Variants in CHRM3 observed in about 807,000 individuals in gnomAD.
The protein encoded by CHRM3 is muscarinic acetylcholine receptor M3.
A neutral mutation model predicts 41.8 loss-of-function variants in CHRM3; 11 were observed. That is an observed-to-expected ratio of 0.26 (90% CI 0.17 to 0.44). The LOEUF is 0.44. Among genes scored for constraint, CHRM3 ranks in the 20% least tolerant of loss-of-function variants. CHRM3 has a pLI of 1.00. For synonymous variants in CHRM3, 297 were observed against 301.4 expected, an observed-to-expected ratio of 0.99 and a Z score of 0.15; for missense variants, 571 against 745.4, an observed-to-expected ratio of 0.77 and a Z score of 2.72.
chr1:239,648,071 T>G (rs1671896467), intron 4 of CHRM3, among the ~76,000 whole-genome samples: 1 of 152,176 alleles, frequency 6.6e-6, no homozygotes, highest in Admixed American at 6.5e-5. Flanking sequence ...GTATGTTATT[T>G]AATTTTTGCT....
At chr1:239,422,443 C>T (rs561462888) in intron 1 of CHRM3, among the ~76,000 whole-genome samples, 74 of 152,034 alleles carry the variant, frequency 4.9e-4, no homozygotes, top group Non-Finnish European at 8.1e-4. Flanking sequence ...ATATGAATTG[C>T]AGTTTTATTA....
At chr1:239,690,381 A>C (rs1659599787) in intron 5 of CHRM3, among the ~76,000 whole-genome samples, 1 of 151,986 alleles carries the variant, frequency 6.6e-6, no homozygotes, top group South Asian at 2.1e-4. Context: ...CACCACGCCC[A>C]GCTAATTTTT....
At chr1:239,896,121 G>A (rs1171764350) in intron 6 of CHRM3, among the ~76,000 whole-genome samples, 1 of 152,196 alleles carries the variant, frequency 6.6e-6, no homozygotes, top group Non-Finnish European at 1.5e-5. Context: ...CGGGGTCTGT[G>A]CCGTCCTGGG....
In CHRM3 at chr1:239,663,732, G is replaced by A. The variant is rs979669954; in HGVS notation, c.-249-14454G>A. Among the ~76,000 whole-genome samples the A allele has an allele frequency of 3.3e-5, 5 of 152,166 alleles. 1 individual carries two copies. The highest frequency in any genetic ancestry group is 1.2e-4 in the African/African-American group (5 of 41,438). On this transcript the variant is annotated intron_variant, in intron 4 of 6. Transcript: ENST00000676153. ...ACATGCATTTTGCACTTCGTTAATT[G>A]TAGAATGCGCTTACCATTTTCACTA...
chr1:239,782,622 C>T (rs1668590487), intron 5 of CHRM3, among the ~76,000 whole-genome samples: 1 of 151,968 alleles, frequency 6.6e-6, no homozygotes. Flanking sequence ...TTGATTTCTG[C>T]TCCATTTATT....
chr1:239,635,957 A>G (rs1487236934), intron 4 of CHRM3, among the ~76,000 whole-genome samples: 2 of 152,192 alleles, frequency 1.3e-5, no homozygotes, highest in African/African-American at 4.8e-5. Context: ...AGAAAAAGAA[A>G]AAGAAAACAG....
intron 5 of CHRM3, among the ~76,000 whole-genome samples, chr1:239,709,582 A>G (rs190895500): frequency 1.4e-4 from 22 of 152,294 alleles, no homozygotes; most frequent in Admixed American, 7.2e-4. Flanking sequence ...TGAGAAAAAA[A>G]GAAGTGAATG....
intron 3 of CHRM3, among the ~76,000 whole-genome samples, chr1:239,610,190 C>CAAACAA (rs1666857022): frequency 1.3e-5 from 1 of 77,898 alleles, no homozygotes; most frequent in Non-Finnish European, 2.4e-5. Context: ...AAGACTCTGT[C>CAAACAA]AAAAAAAAAA....
intron 3 of CHRM3, among the ~76,000 whole-genome samples, chr1:239,622,159 C>T (rs1042633091): frequency 6.6e-6 from 1 of 152,184 alleles, no homozygotes; most frequent in African/African-American, 2.4e-5. Flanking sequence ...AGAACTACTG[C>T]TCAGAAAAAG....
At chr1:239,742,967 G>A (rs559057586) in intron 5 of CHRM3, among the ~76,000 whole-genome samples, 1 of 152,198 alleles carries the variant, frequency 6.6e-6, no homozygotes, top group East Asian at 1.9e-4. Flanking sequence ...CAGCTACCAG[G>A]TTTATAATTT....
At chr1:239,883,463 A>G (rs142962025) in intron 6 of CHRM3, among the ~76,000 whole-genome samples, 116 of 152,332 alleles carry the variant, frequency 7.6e-4, no homozygotes, top group Non-Finnish European at 1.5e-3. Flanking sequence ...GCTAGCACAG[A>G]GGCTGGCATG....
intron 4 of CHRM3, among the ~76,000 whole-genome samples, chr1:239,662,893 CTCTTCTTCTTCTTCTTCT>C (rs67465048): frequency 1.5e-4 from 7 of 46,352 alleles, no homozygotes; most frequent in Admixed American, 2.6e-4. Context: ...CTTCCTCCTC[CTCTTCTTCTTCTTCTTCT>C]TCTTCTTCTT....
chr1:239,888,861 C>A (rs1231323652), intron 6 of CHRM3, among the ~76,000 whole-genome samples: 3 of 152,138 alleles, frequency 2.0e-5, no homozygotes, highest in East Asian at 3.9e-4. Flanking sequence ...CTCAGTCCAC[C>A]TCTGTTTTTG....
intron 4 of CHRM3, among the ~76,000 whole-genome samples, chr1:239,638,462 G>C (rs2148904405): frequency 6.6e-6 from 1 of 152,210 alleles, no homozygotes; most frequent in South Asian, 2.1e-4. Flanking sequence ...ATTCTAACTG[G>C]TGTGAGATGT....
chr1:239,798,684 G>A (rs78692182), intron 5 of CHRM3, among the ~76,000 whole-genome samples: 3,702 of 152,224 alleles, frequency 0.024, 57 homozygotes, highest in South Asian at 0.068. Context: ...CAAAGGACAC[G>A]GATTACTTTG....
At chr1:239,833,023 T>C (rs184448851) in intron 6 of CHRM3, among the ~76,000 whole-genome samples, 26 of 152,230 alleles carry the variant, frequency 1.7e-4, no homozygotes, top group African/African-American at 6.0e-4. Flanking sequence ...GGGGTCTCTC[T>C]GGTTCAAACA....
chr1:239,505,259 GGATGATGATGATGATGATGATGATGAT>G (rs3028735), intron 2 of CHRM3, among the ~76,000 whole-genome samples: 18 of 144,784 alleles, frequency 1.2e-4, no homozygotes, highest in Admixed American at 1.1e-3. Context: ...CTGTTTCCTG[GGATGATGATGATGATGATGATGATGAT>G]GATGATGATG....
intron 6 of CHRM3, among the ~76,000 whole-genome samples, chr1:239,830,483 C>T (rs1446337223): frequency 6.6e-6 from 1 of 152,118 alleles, no homozygotes; most frequent in Non-Finnish European, 1.5e-5. Context: ...GCGGGCGGAT[C>T]ACGAGCTCAG....
At chr1:239,544,447 A>G (rs898440527) in intron 2 of CHRM3, among the ~76,000 whole-genome samples, 1 of 152,206 alleles carries the variant, frequency 6.6e-6, no homozygotes, top group Non-Finnish European at 1.5e-5. Flanking sequence ...TCTCTAAATG[A>G]ATTAAACTGA....
Sources: allele counts gnomAD v4.1 joint callset (sites outside exome capture counted in the v4.1 genomes callset), GRCh38; gene constraint gnomAD v4.1.1; transcripts MANE v1.5; gene names NCBI Gene and HGNC (gene_info 2026-07-23, HGNC 2026-07-21).